NPIPB11: variants seen among roughly 807,000 people sequenced by gnomAD.
The protein encoded by NPIPB11 is nuclear pore complex-interacting protein family member B11.
Under a neutral mutation model 32.8 loss-of-function variants are expected in NPIPB11, and 17 were observed. The ratio of observed to expected loss-of-function variants is 0.52; its 90% CI spans 0.35 to 0.78. NPIPB11 has a LOEUF of 0.78. Among genes scored for constraint, NPIPB11 ranks in the 30% least tolerant of loss-of-function variants. The probability of loss-of-function intolerance (pLI) is 0.01; values close to 1 mark genes in which losing one functional copy is unlikely to be tolerated. For synonymous variants in NPIPB11, 209 were observed against 398.4 expected (o/e 0.52, Z 5.66); for missense variants, 537 against 1,000.4 (o/e 0.54, Z 6.25).
intron 2 of NPIPB11, among the ~76,000 whole-genome samples, chr16:29,402,448 T>C (rs3933858): frequency 1.8e-5 from 2 of 109,870 alleles, no homozygotes; most frequent in Admixed American, 9.4e-5. Context: ...CTCACACCTA[T>C]AGTCCCAGCA....
Position 29,397,693 on chromosome 16 carries a change from G to A in NPIPB11, c.121-3617C>T, listed in dbSNP as rs1008241470. 1.7e-4 allele frequency: 160 copies of A among 923,194 alleles called. 2 individuals carry two copies. Among genetic ancestry groups the A allele is most frequent in the Non-Finnish European group, 2.4e-4 (148 of 609,526 alleles). 57.2% of individuals were successfully genotyped at this position (923,194 alleles called of 1,614,324 possible). A position where few individuals can be genotyped will look rare whatever the true frequency, so the allele number is the denominator to read the frequency against. On this transcript the variant is annotated intron_variant, in intron 2 of 7. Coordinates refer to ENST00000524087, the Ensembl canonical transcript of NPIPB11. ...AGGCGTCCAGGACAGAGGTGGAGGT[G>A]GCTTAGGGCAGGGGGGAGGGAAGGG... is the stretch of plus-strand genomic sequence containing the variant.
At chr16:29,395,705 C>T (rs371364404) in intron 2 of NPIPB11, among the ~76,000 whole-genome samples, 79 of 143,842 alleles carry the variant, frequency 5.5e-4, no homozygotes, top group South Asian at 8.8e-4. Context: ...GTGGGCCGGG[C>T]GTGGTGGCTC....
At chr16:29,382,316 TATC>T in exon 8 of NPIPB11, 3 of 1,574,108 alleles carry the variant, frequency 1.9e-6, no homozygotes, top group Non-Finnish European at 2.6e-6. Flanking sequence ...GTCTTGATAT[TATC>T]ATCTGCTGAG....
chr16:29,401,758 C>T (rs1169161503), intron 2 of NPIPB11, among the ~76,000 whole-genome samples: 1 of 152,140 alleles, frequency 6.6e-6, no homozygotes, highest in Non-Finnish European at 1.5e-5. Flanking sequence ...GCCACCCTCT[C>T]CTTCATCTCT....
upstream of NPIPB11, among the ~76,000 whole-genome samples, chr16:29,405,366 GAT>G (rs1964091072): frequency 6.6e-6 from 1 of 152,032 alleles, no homozygotes; most frequent in Non-Finnish European, 1.5e-5. Flanking sequence ...TGCCAGCCAT[GAT>G]TCATGGTCTT....
At chr16:29,399,677 G>A (rs1478185163) in intron 2 of NPIPB11, among the ~76,000 whole-genome samples, 1 of 152,034 alleles carries the variant, frequency 6.6e-6, no homozygotes, top group Non-Finnish European at 1.5e-5. Context: ...CAGCCTAGGA[G>A]ACAGAGCGAG....
chr16:29,394,225 G>C (rs1442684379), intron 2 of NPIPB11, 149 bp from the exon 3 acceptor site: 1 of 1,066,550 alleles, frequency 9.4e-7, no homozygotes, highest in African/African-American at 1.6e-5. Flanking sequence ...CTACAAAAAA[G>C]AACAGAAGTT....
At chr16:29,399,271 C>A (rs1186910036) in intron 2 of NPIPB11, among the ~76,000 whole-genome samples, 2 of 151,862 alleles carry the variant, frequency 1.3e-5, no homozygotes, top group Non-Finnish European at 2.9e-5. Flanking sequence ...CAGCTGAAAA[C>A]CACTGCTTTA....
chr16:29,383,885 T>C (rs1596672174), exon 8 of NPIPB11: 1 of 1,232,850 alleles, frequency 8.1e-7, no homozygotes, highest in Non-Finnish European at 1.1e-6. Flanking sequence ...GCTCGGAAGG[T>C]GTCTTGAGAT....
In NPIPB11 at chr16:29,397,986, C is replaced by T. The variant is rs1365009496; in HGVS notation, c.121-3910G>A. ...GGCAAGGGAGCGTGAGGCTTAGGAGCAATTAGAGGGAGACAAAAAGGTTCT... is the reference window on the plus strand; with the variant it reads ...GGCAAGGGAGCGTGAGGCTTAGGAGTAATTAGAGGGAGACAAAAAGGTTCT... On this transcript the variant is annotated intron_variant, in intron 2 of 7. Coordinates refer to ENST00000524087, the Ensembl canonical transcript of NPIPB11. Among the ~76,000 whole-genome samples the T allele has an allele frequency of 4.0e-3, 369 of 92,644 alleles. 5 individuals are homozygous for T. The highest frequency in any genetic ancestry group is 0.017 in the African/African-American group (336 of 19,712). The allele number at this position is 92,644 out of a possible 152,430, so 60.8% of individuals were successfully genotyped here.
chr16:29,405,126 G>A (rs1003663436), upstream of NPIPB11, among the ~76,000 whole-genome samples: 9 of 151,362 alleles, frequency 5.9e-5, no homozygotes, highest in African/African-American at 1.2e-4. Flanking sequence ...AAATCTCTTG[G>A]AAACCTCTAA....
chr16:29,382,325 C>T, exon 8 of NPIPB11: 2 of 1,557,602 alleles, frequency 1.3e-6, no homozygotes, highest in Non-Finnish European at 1.7e-6. Flanking sequence ...TTATCATCTG[C>T]TGAGGGTGGA....
exon 8 of NPIPB11, chr16:29,382,283 C>A (rs1244102324): frequency 1.2e-6 from 2 of 1,602,112 alleles, no homozygotes; most frequent in Admixed American, 3.4e-5. Flanking sequence ...CCCACAGACG[C>A]TCCCCGCAGA....
intron 2 of NPIPB11, among the ~76,000 whole-genome samples, chr16:29,396,100 CCT>C (rs1182116828): frequency 2.7e-5 from 4 of 149,480 alleles, no homozygotes; most frequent in African/African-American, 4.9e-5. Context: ...GAAGACTTCC[CCT>C]GAGTAAGTTC....
intron 3 of NPIPB11, 91 bp from the exon 4 acceptor site, chr16:29,390,439 G>A (rs1176940361): frequency 1.7e-5 from 27 of 1,584,930 alleles, no homozygotes; most frequent in Admixed American, 6.7e-5. Flanking sequence ...GGTGGATCAC[G>A]GGGTCAGGAG....
chr16:29,402,724 CTGTGTGTGTGTGTG>C (rs71214272), intron 2 of NPIPB11, among the ~76,000 whole-genome samples: 1,268 of 119,658 alleles, frequency 0.011, 25 homozygotes, highest in African/African-American at 0.039. Flanking sequence ...CTCTCTCTCT[CTGTGTGTGTGTGTG>C]TGTGTGTGTG....
exon 8 of NPIPB11, chr16:29,383,776 C>A: frequency 9.5e-7 from 1 of 1,050,002 alleles, no homozygotes; most frequent in Admixed American, 2.6e-5. Flanking sequence ...AGATTATCAT[C>A]CGCTGAGGGT....
At chr16:29,389,367 TAA>T (rs1175211779) in intron 5 of NPIPB11, among the ~76,000 whole-genome samples, 4,697 of 58,610 alleles carry the variant, frequency 0.08, 379 homozygotes, top group East Asian at 0.26. Flanking sequence ...ATCTCAAAAT[TAA>T]AAAAAAAAAA....
At chr16:29,394,119 T>C (rs544671289) in intron 2 of NPIPB11, 43 bp from the exon 3 acceptor site, 93 of 1,584,286 alleles carry the variant, frequency 5.9e-5, no homozygotes, top group Non-Finnish European at 6.4e-5. Context: ...TCAATGACAC[T>C]GACAATATTT....
Sources: allele counts gnomAD v4.1 joint callset (sites outside exome capture counted in the v4.1 genomes callset), GRCh38; gene constraint gnomAD v4.1.1; transcripts MANE v1.5; gene names NCBI Gene and HGNC (gene_info 2026-07-23, HGNC 2026-07-21).